Variants in INPP4B observed in about 807,000 individuals in gnomAD.
INPP4B encodes inositol polyphosphate 4-phosphatase type II.
INPP4B carries 55 observed loss-of-function variants against 122.5 expected under a neutral mutation model. That is an observed-to-expected ratio of 0.45 (90% CI 0.36 to 0.56). INPP4B has a LOEUF of 0.56. Ranked by LOEUF, INPP4B falls within the 20% of genes least tolerant of loss-of-function variation. The pLI, the probability that INPP4B is intolerant of heterozygous loss-of-function variation, is 0.00. For missense variants in INPP4B, 1,000 were observed against 1,097.7 expected (o/e 0.91, Z 1.26); for synonymous variants, 403 against 388.7 (o/e 1.04, Z -0.43).
chr4:142,677,912 C>T (rs946633038), intron 2 of INPP4B, among the ~76,000 whole-genome samples: 7 of 145,524 alleles, frequency 4.8e-5, no homozygotes, highest in African/African-American at 1.8e-4. Context: ...GATGGTGCAG[C>T]AAACCACTAT....
At chr4:142,466,276 C>T (rs1817757394) in intron 2 of INPP4B, among the ~76,000 whole-genome samples, 1 of 152,144 alleles carries the variant, frequency 6.6e-6, no homozygotes, top group African/African-American at 2.4e-5. Context: ...AGAGATCTCA[C>T]ATGAAAATGG....
intron 16 of INPP4B, among the ~76,000 whole-genome samples, chr4:142,165,590 T>C (rs1394962141): frequency 6.6e-6 from 1 of 151,798 alleles, no homozygotes; most frequent in Non-Finnish European, 1.5e-5. Context: ...TATTTTGTGA[T>C]ACCCAGTAAT....
At position 142,705,458 on chromosome 4, in the gene INPP4B, AACACAC is replaced by A. The variant is rs56300337; in HGVS notation, c.-191+20375_-191+20380del. 2.7e-3 allele frequency among the ~76,000 whole-genome samples: 397 copies of A among 146,262 alleles called. 1 individual carries two copies. Among genetic ancestry groups the A allele is most frequent in the African/African-American group, 6.7e-3 (261 of 39,026 alleles). On this transcript the variant is annotated intron_variant, in intron 2 of 25. Transcript: ENST00000262992. ...AGTCTCTCTACCCATTCCCACCCCA[AACACAC>A]ACACACACACACACACACACACACA...
chr4:142,425,391 T>TCC (rs1807821037), intron 5 of INPP4B: 1 of 152,040 alleles, frequency 6.6e-6, no homozygotes, highest in African/African-American at 2.4e-5. Context: ...CAGCAAATGG[T>TCC]CCTCCACTAT....
intron 2 of INPP4B, among the ~76,000 whole-genome samples, chr4:142,652,886 A>G (rs1207064196): frequency 3.9e-5 from 6 of 152,228 alleles, no homozygotes; most frequent in Non-Finnish European, 8.8e-5. Flanking sequence ...TGGAACCAAA[A>G]AAGAGCCTGC....
intron 3 of INPP4B, among the ~76,000 whole-genome samples, chr4:142,443,630 G>A (rs1353193568): frequency 6.6e-6 from 1 of 152,040 alleles, no homozygotes; most frequent in Non-Finnish European, 1.5e-5. Flanking sequence ...CCGCCACCAG[G>A]CTGAGACACC....
chr4:142,280,447 A>T (rs1750665092), intron 9 of INPP4B, among the ~76,000 whole-genome samples: 1 of 152,014 alleles, frequency 6.6e-6, no homozygotes, highest in Non-Finnish European at 1.5e-5. Flanking sequence ...AAAAGATTAT[A>T]TACTATACAA....
At chr4:142,180,816 T>C (rs1830454077) in intron 15 of INPP4B, among the ~76,000 whole-genome samples, 2 of 152,182 alleles carry the variant, frequency 1.3e-5, no homozygotes, top group South Asian at 4.1e-4. Flanking sequence ...GTATTGCTTA[T>C]AAATATTAAA....
intron 2 of INPP4B, among the ~76,000 whole-genome samples, chr4:142,538,931 G>A (rs1456286403): frequency 6.6e-6 from 1 of 151,690 alleles, no homozygotes; most frequent in East Asian, 1.9e-4. Flanking sequence ...AGTGACAATG[G>A]TGAGGCTGGA....
intron 12 of INPP4B, among the ~76,000 whole-genome samples, chr4:142,216,728 A>G (rs1462324401): frequency 2.0e-5 from 3 of 152,314 alleles, no homozygotes; most frequent in South Asian, 2.1e-4. Flanking sequence ...AGAACACCCT[A>G]CTAATTATAT....
At chr4:142,299,665 C>G (rs1415704545) in intron 9 of INPP4B, among the ~76,000 whole-genome samples, 2 of 151,896 alleles carry the variant, frequency 1.3e-5, no homozygotes, top group African/African-American at 4.8e-5. Flanking sequence ...CATATATGTG[C>G]TACTCTCTTC....
chr4:142,712,606 AATT>A (rs1763252651), intron 2 of INPP4B, among the ~76,000 whole-genome samples: 1 of 152,212 alleles, frequency 6.6e-6, no homozygotes, highest in Non-Finnish European at 1.5e-5. Flanking sequence ...AAAATTGATA[AATT>A]ATTGTCTCAT....
chr4:142,181,528 C>A (rs1464562583), intron 15 of INPP4B, among the ~76,000 whole-genome samples: 1 of 152,152 alleles, frequency 6.6e-6, no homozygotes, highest in Non-Finnish European at 1.5e-5. Flanking sequence ...TACTTTCTTT[C>A]AGGCACATTG....
intron 2 of INPP4B, among the ~76,000 whole-genome samples, chr4:142,519,315 C>T (rs1825794924): frequency 6.6e-6 from 1 of 152,116 alleles, no homozygotes; most frequent in Non-Finnish European, 1.5e-5. Flanking sequence ...TTAAATATCA[C>T]ATGTTTAATC....
intron 2 of INPP4B, among the ~76,000 whole-genome samples, chr4:142,703,807 G>T (rs1052491751): frequency 6.6e-6 from 1 of 152,192 alleles, no homozygotes; most frequent in African/African-American, 2.4e-5. Flanking sequence ...GGTAAAGGGG[G>T]CTAACTCAGG....
chr4:142,201,504 C>T (rs996116355), intron 14 of INPP4B, among the ~76,000 whole-genome samples: 2 of 151,950 alleles, frequency 1.3e-5, no homozygotes, highest in Admixed American at 6.6e-5. Flanking sequence ...GCCCTTTCAG[C>T]CTTGAATTTC....
chr4:142,323,729 G>A (rs1054484984), intron 7 of INPP4B, among the ~76,000 whole-genome samples: 3 of 151,654 alleles, frequency 2.0e-5, no homozygotes, highest in East Asian at 3.9e-4. Flanking sequence ...ACAGGCGTGA[G>A]CCACAGCGCC....
rs1823060930 is a variant in INPP4B at position 142,499,374 on chromosome 4, T to G, written c.-190-36648A>C. Among the ~76,000 whole-genome samples the G allele has an allele frequency of 3.9e-5, 6 of 152,116 alleles. 1 individual carries two copies. In the South Asian group the frequency reaches 1.2e-3, roughly 32 times the overall value. On this transcript the variant is annotated intron_variant, in intron 2 of 25. Coordinates refer to ENST00000262992, the MANE Select transcript of INPP4B (RefSeq NM_001101669.3). ...AAAACAAGGAGTTATTGTTAGCATA[T>G]CCCATTTGATTAGAAGGGATTTTAA...
intron 1 of INPP4B, among the ~76,000 whole-genome samples, chr4:142,827,293 T>A (rs1448588451): frequency 6.6e-6 from 1 of 152,230 alleles, no homozygotes; most frequent in African/African-American, 2.4e-5. Context: ...CTCGTCTACA[T>A]ATTCTAGTGT....
Sources: gnomAD v4.1 joint callset for allele counts (sites outside exome capture counted in the v4.1 genomes callset) on GRCh38, gnomAD v4.1.1 for gene constraint, MANE v1.5 for transcripts, NCBI Gene and HGNC (gene_info 2026-07-23, HGNC 2026-07-21) for gene names.